Variants in ANKRD44 observed in about 807,000 individuals in gnomAD.
The protein encoded by ANKRD44 is serine/threonine-protein phosphatase 6 regulatory ankyrin repeat subunit B.
Under a neutral mutation model 116.0 loss-of-function variants are expected in ANKRD44, and 35 were observed. The ratio of observed to expected loss-of-function variants is 0.30; its 90% CI spans 0.23 to 0.40. ANKRD44 has a LOEUF of 0.40. ANKRD44 is among the 10% of genes least tolerant of loss of function. The probability of loss-of-function intolerance (pLI) is 1.00; values close to 1 mark genes in which losing one functional copy is unlikely to be tolerated. For synonymous variants in ANKRD44, 435 were observed against 461.8 expected (o/e 0.94, Z 0.74); for missense variants, 1,014 against 1,242.6 (o/e 0.82, Z 2.77).
At chr2:197,236,224 G>A (rs1037972053) in intron 1 of ANKRD44, among the ~76,000 whole-genome samples, 1 of 152,130 alleles carries the variant, frequency 6.6e-6, no homozygotes, top group African/African-American at 2.4e-5. Flanking sequence ...CTCCTCTCCT[G>A]CAGCCTGACT....
chr2:197,076,447 T>C (rs1406673362), intron 16 of ANKRD44, among the ~76,000 whole-genome samples: 1 of 152,114 alleles, frequency 6.6e-6, no homozygotes, highest in African/African-American at 2.4e-5. Context: ...GGAAAATATA[T>C]GAGAAAAAGC....
intron 2 of ANKRD44, among the ~76,000 whole-genome samples, chr2:197,157,169 G>A (rs2712878): frequency 0.91 from 138,014 of 152,160 alleles, 63,887 homozygotes; most frequent in Non-Finnish European, 0.99. Context: ...TCACTCTTAC[G>A]TAAAGTAAAA....
At chr2:197,035,783 G>A (rs1176211166) in intron 16 of ANKRD44, among the ~76,000 whole-genome samples, 2 of 149,478 alleles carry the variant, frequency 1.3e-5, no homozygotes, top group Admixed American at 1.3e-4. Flanking sequence ...ACCTGGCCTC[G>A]GCTCAGCCCA....
chr2:197,294,561 T>G (rs536437571), intron 1 of ANKRD44, among the ~76,000 whole-genome samples: 1 of 152,080 alleles, frequency 6.6e-6, no homozygotes, highest in South Asian at 2.1e-4. Flanking sequence ...ACACATATTT[T>G]CATTCTCTCT....
At chr2:197,169,607 C>T (rs1191144339) in intron 2 of ANKRD44, among the ~76,000 whole-genome samples, 1 of 152,190 alleles carries the variant, frequency 6.6e-6, no homozygotes, top group Non-Finnish European at 1.5e-5. Context: ...CAGTTGACCA[C>T]GGACCAATGG....
At chr2:197,270,775 C>G (rs549996128) in intron 1 of ANKRD44, among the ~76,000 whole-genome samples, 23 of 152,236 alleles carry the variant, frequency 1.5e-4, no homozygotes, top group Admixed American at 5.2e-4. Flanking sequence ...AAAGTGGGTA[C>G]CGGCAGGCAG....
chr2:197,219,001 C>T (rs1278103206), intron 1 of ANKRD44, among the ~76,000 whole-genome samples: 2 of 151,104 alleles, frequency 1.3e-5, no homozygotes, highest in Non-Finnish European at 2.9e-5. Context: ...ATCAGTGACC[C>T]ACCTGCCTTA....
At chr2:197,217,473 A>G (rs7589095) in intron 1 of ANKRD44, among the ~76,000 whole-genome samples, 31,073 of 152,212 alleles carry the variant, frequency 0.2, 3,343 homozygotes, top group Middle Eastern at 0.31. Context: ...TGAACTAGAG[A>G]AAGAGCAGTA....
chr2:197,148,790 T>C (rs959965360), intron 2 of ANKRD44, among the ~76,000 whole-genome samples: 2 of 152,220 alleles, frequency 1.3e-5, no homozygotes. Flanking sequence ...ATGTTGTCTA[T>C]GTATGGCTGC....
intron 1 of ANKRD44, among the ~76,000 whole-genome samples, chr2:197,269,028 A>C (rs1337963871): frequency 6.6e-6 from 1 of 152,128 alleles, no homozygotes; most frequent in Non-Finnish European, 1.5e-5. Flanking sequence ...TACTCAAAAA[A>C]AGTCCAACAT....
At chr2:197,252,143 A>C (rs1216848409) in intron 1 of ANKRD44, among the ~76,000 whole-genome samples, 1 of 152,174 alleles carries the variant, frequency 6.6e-6, no homozygotes, top group Non-Finnish European at 1.5e-5. Context: ...ATAGGAAAAA[A>C]ACTCCTTAAA....
chr2:197,034,050 TAGAGAG>T lies in ANKRD44; in HGVS notation c.1651-8789_1651-8784del, dbSNP rs60018972. ...TGTCTCAGGGGAGGCATATGAGGGC[TAGAGAG>T]AGAGAGAGAGAGAGAGAGAGAGAGA... On this transcript the variant is annotated intron_variant, in intron 16 of 27. Transcript: ENST00000282272. Among the ~76,000 whole-genome samples, 39 of 110,662 alleles carry T rather than the reference TAGAGAG, an allele frequency of 3.5e-4. No individual in the cohort carries two copies. In the South Asian group the frequency reaches 4.5e-3, roughly 13 times the overall value. The allele number at this position is 110,662 out of a possible 152,430, so 72.6% of individuals were successfully genotyped here.
In ANKRD44 at chr2:197,271,832, G is replaced by A. The variant is rs143173440; in HGVS notation, c.27+38746C>T. 2.3e-3 allele frequency among the ~76,000 whole-genome samples: 353 copies of A among 152,224 alleles called. 2 individuals carry two copies. Among genetic ancestry groups the A allele is most frequent in the African/African-American group, 8.2e-3 (340 of 41,528 alleles). The stretch of plus-strand genomic sequence containing the variant: ...GCCCAGGCTGGTCATGAACTCCTGG[G>A]CTCAAGCGATCTGCCTGCCTTGGCC... On this transcript the variant is annotated intron_variant, in intron 1 of 27. Coordinates refer to ENST00000282272, the MANE Select transcript of ANKRD44 (RefSeq NM_001195144.2).
intron 1 of ANKRD44, among the ~76,000 whole-genome samples, chr2:197,281,560 T>C (rs1445262605): frequency 6.6e-6 from 1 of 152,158 alleles, no homozygotes; most frequent in Non-Finnish European, 1.5e-5. Flanking sequence ...TTGGGCCTGG[T>C]AATTTACAAA....
chr2:196,996,734 C>A (rs1351659214), intron 25 of ANKRD44, among the ~76,000 whole-genome samples: 2 of 151,840 alleles, frequency 1.3e-5, no homozygotes, highest in Non-Finnish European at 2.9e-5. Context: ...GAAACTCCAT[C>A]TCTCCTAAAA....
chr2:197,053,022 T>C (rs757582968), intron 16 of ANKRD44, among the ~76,000 whole-genome samples: 23 of 151,998 alleles, frequency 1.5e-4, no homozygotes, highest in Non-Finnish European at 3.2e-4. Context: ...AATACAAAAA[T>C]TAGCCAGGCA....
chr2:197,072,274 G>A (rs1030402553), intron 16 of ANKRD44, among the ~76,000 whole-genome samples: 1 of 152,130 alleles, frequency 6.6e-6, no homozygotes, highest in African/African-American at 2.4e-5. Flanking sequence ...CCTATTCCTT[G>A]AACCTCTTAG....
intron 1 of ANKRD44, among the ~76,000 whole-genome samples, chr2:197,285,873 A>T (rs1020683596): frequency 1.3e-5 from 2 of 152,260 alleles, no homozygotes; most frequent in Non-Finnish European, 2.9e-5. Context: ...CACCTCTGGG[A>T]ACCCTCTGAC....
At chr2:197,164,696 C>T (rs1301869892) in intron 2 of ANKRD44, among the ~76,000 whole-genome samples, 1 of 152,194 alleles carries the variant, frequency 6.6e-6, no homozygotes, top group African/African-American at 2.4e-5. Context: ...ACCAGGCCTC[C>T]GCTCATTTGG....
Sources: allele counts gnomAD v4.1 joint callset (sites outside exome capture counted in the v4.1 genomes callset), GRCh38; gene constraint gnomAD v4.1.1; transcripts MANE v1.5; gene names NCBI Gene and HGNC (gene_info 2026-07-23, HGNC 2026-07-21).